Variants in CCDC85C observed in about 807,000 individuals in gnomAD.
CCDC85C encodes coiled-coil domain-containing protein 85C.
A neutral mutation model predicts 38.3 loss-of-function variants in CCDC85C; 18 were observed. The observed-to-expected ratio is 0.47, with a 90% CI of 0.33 to 0.70. CCDC85C has a LOEUF of 0.70. Ranked by LOEUF, CCDC85C falls within the 30% of genes least tolerant of loss-of-function variation. CCDC85C has a pLI of 0.03. For missense variants in CCDC85C, 566 were observed against 621.2 expected (o/e 0.91, Z 0.94); for synonymous variants, 264 against 293.8 (o/e 0.90, Z 1.04).
At position 99,509,856 on chromosome 14, in the gene CCDC85C, G is replaced by T; in HGVS notation, c.*5390C>A. ...ACACGTTTTGCACTAGGAAGAGGGG[G>T]CTGGGGCCAGGGCACAAGGGGGCTT... On this transcript the variant is annotated 3_prime_UTR_variant, in exon 6 of 6. Transcript: ENST00000380243. 4.2e-6 allele frequency: 2 copies of T among 473,572 alleles called. No individual in the cohort carries two copies. The highest frequency in any genetic ancestry group is 3.2e-5 in the South Asian group (1 of 31,112). 29.3% of individuals were successfully genotyped at this position (473,572 alleles called of 1,614,324 possible). A position where few individuals can be genotyped will look rare whatever the true frequency, so the allele number is the denominator to read the frequency against.
rs757969214 is a variant in CCDC85C at position 99,522,270 on chromosome 14, C to T, written c.868-30G>A. 1.9e-5 allele frequency: 29 copies of T among 1,503,446 alleles called. No individual in the cohort carries two copies. The African/African-American group carries it at 2.4e-4, about 12-fold the overall frequency. The allele number at this position is 1,503,446 out of a possible 1,614,324, so 93.1% of individuals were successfully genotyped here. On this transcript the variant is annotated intron_variant, in intron 2 of 5. Coordinates refer to ENST00000380243, the MANE Select transcript of CCDC85C (RefSeq NM_001144995.2). ...AGGGGAGAGAAGGAGAGGGGTTAGA[C>T]GGAGGGCCAGGCTGAGGAGGACAAG...
At chr14:99,573,065 C>G (rs1392730510) in intron 1 of CCDC85C, 1 of 330,582 alleles carries the variant, frequency 3.0e-6, no homozygotes, top group Admixed American at 3.8e-5. Context: ...TGAGAGGGGA[C>G]AAGTGAAGCC....
Position 99,504,515 on chromosome 14 carries a change from A to G in CCDC85C, c.*10731T>C, listed in dbSNP as rs1468541033. 2 of 151,144 alleles carry G rather than the reference A, an allele frequency of 1.3e-5. No homozygotes were observed. The highest frequency in any genetic ancestry group is 2.0e-4 in the East Asian group (1 of 5,128). The allele number at this position is 151,144 out of a possible 1,614,324, so 9.4% of individuals were successfully genotyped here. A position where few individuals can be genotyped will look rare whatever the true frequency, so the allele number is the denominator to read the frequency against. ...GCCCAGGCTGGAGTGCAGCGGTGCA[A>G]TCTTAACTCACCACAACCTCCGCCT... On this transcript the variant is annotated 3_prime_UTR_variant, in exon 6 of 6. Transcript: ENST00000380243.
At chr14:99,586,833 C>A (rs2055032284) in intron 1 of CCDC85C, among the ~76,000 whole-genome samples, 1 of 152,118 alleles carries the variant, frequency 6.6e-6, no homozygotes, top group African/African-American at 2.4e-5. Context: ...TCCATCAAGG[C>A]CCCCCGGCCA....
At chr14:99,573,753 C>T (rs1898409175) in intron 1 of CCDC85C, among the ~76,000 whole-genome samples, 1 of 152,208 alleles carries the variant, frequency 6.6e-6, no homozygotes, top group Non-Finnish European at 1.5e-5. Flanking sequence ...AGAGGTGCTG[C>T]CTTTGGGTGG....
Position 99,506,940 on chromosome 14 carries a change from T to C in CCDC85C, c.*8306A>G, listed in dbSNP as rs1896990064. 2.8e-6 allele frequency: 2 copies of C among 708,234 alleles called. No individual in the cohort carries two copies. Among genetic ancestry groups the C allele is most frequent in the Non-Finnish European group, 5.2e-6 (2 of 385,828 alleles). The allele number at this position is 708,234 out of a possible 1,614,324, so 43.9% of individuals were successfully genotyped here. ...GCATAATGGTTTAGCTGAAACCTTC[T>C]TCAAGTTCCCTTAAAGCCTTGGTCA... On this transcript the variant is annotated 3_prime_UTR_variant, in exon 6 of 6. Coordinates refer to ENST00000380243, the MANE Select transcript of CCDC85C (RefSeq NM_001144995.2).
chr14:99,534,042 A>G (rs10873505), intron 2 of CCDC85C, among the ~76,000 whole-genome samples: 87,596 of 152,086 alleles, frequency 0.58, 25,851 homozygotes, highest in African/African-American at 0.71. Context: ...GTTGGACCGC[A>G]GAACACATTT....
chr14:99,507,688 A>G lies in CCDC85C; in HGVS notation c.*7558T>C, dbSNP rs2139881784. On this transcript the variant is annotated 3_prime_UTR_variant, in exon 6 of 6. Transcript: ENST00000380243. ...ATTGTATTAGAATCAGTTTTAGGAAAGAAAGCCAAACCCCGCCTTCTGAGA... is the reference window on the plus strand; with the variant it reads ...ATTGTATTAGAATCAGTTTTAGGAAGGAAAGCCAAACCCCGCCTTCTGAGA... The G allele has an allele frequency of 6.5e-6, 1 of 154,384 alleles. No homozygotes were observed. Among genetic ancestry groups the G allele is most frequent in the South Asian group, 2.0e-4 (1 of 4,946 alleles). The allele number at this position is 154,384 out of a possible 1,614,324, so 9.6% of individuals were successfully genotyped here. A position where few individuals can be genotyped will look rare whatever the true frequency, so the allele number is the denominator to read the frequency against.
At position 99,576,890 on chromosome 14, in the gene CCDC85C, C is replaced by T. The variant is rs575701214; in HGVS notation, c.793+26277G>A. Among the ~76,000 whole-genome samples the T allele has an allele frequency of 7.2e-5, 11 of 152,096 alleles. No individual in the cohort carries two copies. Among genetic ancestry groups the T allele is most frequent in the African/African-American group, 2.2e-4 (9 of 41,502 alleles). On this transcript the variant is annotated intron_variant, in intron 1 of 5. Coordinates refer to ENST00000380243, the MANE Select transcript of CCDC85C (RefSeq NM_001144995.2). This position sits in a 1 kb window ranked among gnomAD's most constrained non-coding sequence, Gnocchi z 4.8. Reference sequence around the variant, plus strand: ...GGGCAGCACTCTCTCCGGGTCACCCCGGATGCCTTCAGCACAGCTCCTACC... The same window carrying T: ...GGGCAGCACTCTCTCCGGGTCACCCTGGATGCCTTCAGCACAGCTCCTACC...
intron 1 of CCDC85C, among the ~76,000 whole-genome samples, chr14:99,559,192 G>T (rs949176839): frequency 2.1e-5 from 3 of 143,892 alleles, no homozygotes; most frequent in African/African-American, 8.0e-5. Context: ...TTACAGCAAT[G>T]CGAGAGCAGC....
intron 3 of CCDC85C, 53 bp downstream of exon 3, chr14:99,522,080 G>C (rs533064141): frequency 7.0e-7 from 1 of 1,420,714 alleles, no homozygotes; most frequent in East Asian, 2.5e-5. Flanking sequence ...TGGCCCGCCT[G>C]AGCCTCAGCC....
chr14:99,581,876 G>A (rs779502477), intron 1 of CCDC85C, among the ~76,000 whole-genome samples: 24 of 152,284 alleles, frequency 1.6e-4, no homozygotes, highest in East Asian at 9.7e-4. Flanking sequence ...TAAAACCTGC[G>A]TCTTCCCATG....
rs759488745 is a variant in CCDC85C, at chr14:99,507,033, TGAA to T, written c.*8210_*8212del. 28 of 1,140,800 alleles carry T rather than the reference TGAA, an allele frequency of 2.5e-5. No homozygotes were observed. In the Admixed American group the frequency reaches 4.5e-4, roughly 19 times the overall value. The allele number at this position is 1,140,800 out of a possible 1,614,324, so 70.7% of individuals were successfully genotyped here. On this transcript the variant is annotated 3_prime_UTR_variant, in exon 6 of 6. Coordinates refer to ENST00000380243, the MANE Select transcript of CCDC85C (RefSeq NM_001144995.2). ...TTTCTTTATGACATGCTTATTCATG[TGAA>T]GAAGTATGAGTGGTTTTCTAATCTG...
chr14:99,507,237 CTG>C lies in CCDC85C; in HGVS notation c.*8007_*8008del. ...GTCCTGGGAACTTAGAAAAGGGAGA[CTG>C]GGGCCCAGATTGACAATGTCAGCCA... On this transcript the variant is annotated 3_prime_UTR_variant, in exon 6 of 6. Coordinates refer to ENST00000380243, the MANE Select transcript of CCDC85C (RefSeq NM_001144995.2). The C allele has an allele frequency of 1.2e-6, 1 of 826,092 alleles. No individual in the cohort carries two copies. Among genetic ancestry groups the C allele is most frequent in the Non-Finnish European group, 2.1e-6 (1 of 472,252 alleles). 51.2% of individuals were successfully genotyped at this position (826,092 alleles called of 1,614,324 possible). A position where few individuals can be genotyped will look rare whatever the true frequency, so the allele number is the denominator to read the frequency against.
intron 2 of CCDC85C, 147 bp from the exon 3 acceptor site, chr14:99,522,387 A>G (rs2400681): frequency 0.94 from 537,868 of 570,888 alleles, 256,937 homozygotes; most frequent in East Asian, 1. Flanking sequence ...CCGCTTATCC[A>G]TCCCCCGAGC....
At chr14:99,567,349 A>C (rs954949430) in intron 1 of CCDC85C, among the ~76,000 whole-genome samples, 1 of 152,184 alleles carries the variant, frequency 6.6e-6, no homozygotes, top group Non-Finnish European at 1.5e-5. Context: ...GGGTCACAGG[A>C]GGGACAGAAG....
chr14:99,523,486 G>GC (rs953025187), intron 2 of CCDC85C, among the ~76,000 whole-genome samples: 2 of 152,204 alleles, frequency 1.3e-5, no homozygotes, highest in African/African-American at 4.8e-5. Context: ...TGTCCTGCGG[G>GC]GGTGAGGAGG....
rs1897787796 is a variant in CCDC85C, at chr14:99,545,417, T to G, written c.794-9329A>C. ...ACCACCAGTGTTCTCAAACCAAAACTCAAACTCATTTCTCCATCCGCTGCT... is the reference window on the plus strand; with the variant it reads ...ACCACCAGTGTTCTCAAACCAAAACGCAAACTCATTTCTCCATCCGCTGCT... On this transcript the variant is annotated intron_variant, in intron 1 of 5. Transcript: ENST00000380243. The surrounding 1 kb of genome is among the most constrained non-coding windows in gnomAD (Gnocchi z 4.7). Among the ~76,000 whole-genome samples, 1 of 152,074 alleles carries G rather than the reference T, an allele frequency of 6.6e-6. No individual in the cohort carries two copies. Among genetic ancestry groups the G allele is most frequent in the African/African-American group, 2.4e-5 (1 of 41,396 alleles).
intron 1 of CCDC85C, among the ~76,000 whole-genome samples, chr14:99,546,150 A>G (rs1372781172): frequency 6.6e-6 from 1 of 151,822 alleles, no homozygotes; most frequent in Non-Finnish European, 1.5e-5. Flanking sequence ...TGGTTTCAGG[A>G]GAAAGTGTGT....
Sources: allele counts gnomAD v4.1 joint callset (sites outside exome capture counted in the v4.1 genomes callset), GRCh38; gene constraint gnomAD v4.1.1; non-coding constraint Gnocchi (gnomAD v3.1); transcripts MANE v1.5; gene names NCBI Gene and HGNC (gene_info 2026-07-23, HGNC 2026-07-21).